RXFP1: variants seen among roughly 807,000 people sequenced by gnomAD.
RXFP1 encodes the protein relaxin receptor 1.
A neutral mutation model predicts 89.8 loss-of-function variants in RXFP1; 73 were observed. The observed-to-expected ratio is 0.81, with a 90% CI of 0.67 to 0.99. RXFP1 has a LOEUF of 0.99. RXFP1 is among the 50% of genes least tolerant of loss of function. The pLI is 0.00. For missense variants in RXFP1, 793 were observed against 895.5 expected, an observed-to-expected ratio of 0.89 and a Z score of 1.46; for synonymous variants, 277 against 305.5, an observed-to-expected ratio of 0.91 and a Z score of 0.97.
chr4:158,565,816 C>G (rs148062733), intron 1 of RXFP1, among the ~76,000 whole-genome samples: 228 of 152,188 alleles, frequency 1.5e-3, no homozygotes, highest in African/African-American at 5.4e-3. Context: ...TACCCCTCTA[C>G]AAAATATGTA....
chr4:158,582,020 A>T (rs1384358231), intron 2 of RXFP1, among the ~76,000 whole-genome samples: 2 of 152,140 alleles, frequency 1.3e-5, no homozygotes, highest in Non-Finnish European at 2.9e-5. Flanking sequence ...CTTTTGAGCC[A>T]ATAGAGTGAA....
At chr4:158,633,087 T>G (rs984851250) in intron 11 of RXFP1, among the ~76,000 whole-genome samples, 1 of 152,022 alleles carries the variant, frequency 6.6e-6, no homozygotes, top group African/African-American at 2.4e-5. Context: ...GGAGAATCAC[T>G]TGAACCCGGG....
intron 3 of RXFP1, among the ~76,000 whole-genome samples, chr4:158,593,896 G>GA (rs896676218): frequency 6.6e-6 from 1 of 152,114 alleles, no homozygotes; most frequent in Non-Finnish European, 1.5e-5. Flanking sequence ...ATGTTTGCTA[G>GA]AAAAAATTCT....
intron 11 of RXFP1, among the ~76,000 whole-genome samples, chr4:158,631,510 T>C (rs967972977): frequency 6.6e-6 from 1 of 152,200 alleles, no homozygotes; most frequent in African/African-American, 2.4e-5. Context: ...TGTAGTATGA[T>C]GTTATATGTG....
chr4:158,536,182 A>T (rs1745241234), intron 1 of RXFP1, among the ~76,000 whole-genome samples: 1 of 152,242 alleles, frequency 6.6e-6, no homozygotes, highest in African/African-American at 2.4e-5. Flanking sequence ...ACCTCACAGC[A>T]GTAGAAAACA....
At chr4:158,586,790 T>C (rs184256116) in intron 2 of RXFP1, among the ~76,000 whole-genome samples, 4 of 152,286 alleles carry the variant, frequency 2.6e-5, no homozygotes, top group Admixed American at 2.0e-4. Flanking sequence ...AAGGCTTGTT[T>C]GTTTGATGAT....
At chr4:158,631,629 C>T (rs1181792350) in intron 11 of RXFP1, among the ~76,000 whole-genome samples, 4 of 151,960 alleles carry the variant, frequency 2.6e-5, no homozygotes, top group Non-Finnish European at 4.4e-5. Context: ...AGAGGAATGA[C>T]GTTTGAATGA....
At chr4:158,542,285 G>A (rs1747006071) in intron 1 of RXFP1, among the ~76,000 whole-genome samples, 1 of 151,002 alleles carries the variant, frequency 6.6e-6, no homozygotes, top group Non-Finnish European at 1.5e-5. Context: ...ATCACACATT[G>A]CATTCAGCGG....
chr4:158,629,473 G>A (rs1047681463), intron 11 of RXFP1, among the ~76,000 whole-genome samples: 2 of 152,004 alleles, frequency 1.3e-5, no homozygotes, highest in African/African-American at 4.8e-5. Flanking sequence ...TAATTCTAAA[G>A]GGCACTATAA....
intron 5 of RXFP1, among the ~76,000 whole-genome samples, chr4:158,607,643 A>C (rs1762765192): frequency 6.6e-6 from 1 of 152,242 alleles, no homozygotes; most frequent in African/African-American, 2.4e-5. Flanking sequence ...TTTGGCTGTT[A>C]TTCATTCATC....
intron 14 of RXFP1, among the ~76,000 whole-genome samples, chr4:158,642,217 T>C (rs1226995589): frequency 1.3e-5 from 2 of 152,210 alleles, no homozygotes; most frequent in Admixed American, 6.5e-5. Flanking sequence ...GATGTTTTGG[T>C]ACATACAATG....
chr4:158,609,421 T>C (rs1247499485), intron 6 of RXFP1, among the ~76,000 whole-genome samples: 3 of 152,206 alleles, frequency 2.0e-5, no homozygotes, highest in African/African-American at 7.2e-5. Context: ...AAAAAAAGGC[T>C]TTCTCAATGT....
At chr4:158,604,597 G>A in intron 4 of RXFP1, among the ~76,000 whole-genome samples, 1 of 152,110 alleles carries the variant, frequency 6.6e-6, no homozygotes, top group East Asian at 1.9e-4. Context: ...ATTGAATAAA[G>A]ATGATCCAAT....
At chr4:158,598,040 C>T (rs1187916393) in intron 3 of RXFP1, among the ~76,000 whole-genome samples, 1 of 152,114 alleles carries the variant, frequency 6.6e-6, no homozygotes, top group Non-Finnish European at 1.5e-5. Flanking sequence ...AGAGGAAGAA[C>T]ACATGTCACC....
At chr4:158,549,149 T>C (rs963511320) in intron 1 of RXFP1, among the ~76,000 whole-genome samples, 1 of 151,796 alleles carries the variant, frequency 6.6e-6, no homozygotes. Flanking sequence ...TTTGTTCGTT[T>C]CTTTTTATTC....
At chr4:158,619,974 A>G (rs1293605367) in intron 9 of RXFP1, among the ~76,000 whole-genome samples, 2 of 152,236 alleles carry the variant, frequency 1.3e-5, no homozygotes, top group Admixed American at 1.3e-4. Context: ...CCAAAAGCAT[A>G]AGGAAAAAGA....
At chr4:158,633,849 A>G (rs1768590830) in intron 12 of RXFP1, among the ~76,000 whole-genome samples, 2 of 152,162 alleles carry the variant, frequency 1.3e-5, no homozygotes, top group Admixed American at 6.6e-5. Flanking sequence ...TTTCTGTTGT[A>G]GCAGAAATGA....
chr4:158,641,012 C>T (rs1166036044), intron 14 of RXFP1, among the ~76,000 whole-genome samples: 1 of 152,170 alleles, frequency 6.6e-6, no homozygotes, highest in African/African-American at 2.4e-5. Context: ...TAGAATGATC[C>T]ATGCCATGGA....
intron 5 of RXFP1, among the ~76,000 whole-genome samples, chr4:158,606,260 G>T (rs368477018): frequency 1.3e-5 from 2 of 152,200 alleles, no homozygotes; most frequent in African/African-American, 4.8e-5. Context: ...TCAAAATTCA[G>T]GTTTATATAA....
Sources: allele counts gnomAD v4.1 joint callset (sites outside exome capture counted in the v4.1 genomes callset), GRCh38; gene constraint gnomAD v4.1.1; transcripts MANE v1.5; gene names NCBI Gene and HGNC (gene_info 2026-07-23, HGNC 2026-07-21).